The following INTS9 variants were observed in gnomAD, a reference collection of about 807,000 sequenced individuals.
The protein encoded by INTS9 is integrator complex subunit 9.
Under a neutral mutation model 79.7 loss-of-function variants are expected in INTS9, and 55 were observed. The observed-to-expected ratio is 0.69, with a 90% CI of 0.56 to 0.86. The LOEUF (loss-of-function observed/expected upper bound fraction) is 0.86. Ranked by LOEUF, INTS9 falls within the 40% of genes least tolerant of loss-of-function variation. The pLI, the probability that INTS9 is intolerant of heterozygous loss-of-function variation, is 0.00. For missense variants in INTS9, 721 were observed against 831.5 expected, an observed-to-expected ratio of 0.87 and a Z score of 1.64; for synonymous variants, 319 against 325.2, an observed-to-expected ratio of 0.98 and a Z score of 0.20.
intron 16 of INTS9, 156 bp from the exon 17 acceptor site, chr8:28,768,478 T>G (rs2130828596): frequency 1.5e-6 from 1 of 686,030 alleles, no homozygotes; most frequent in East Asian, 2.6e-5. Flanking sequence ...TGATAGTTTC[T>G]TATACTTGAA....
chr8:28,888,671 AG>A (rs1257591987), intron 1 of INTS9, among the ~76,000 whole-genome samples: 1 of 152,222 alleles, frequency 6.6e-6, no homozygotes, highest in Non-Finnish European at 1.5e-5. Flanking sequence ...ACACTGACCC[AG>A]GGGTAAGTTG....
At chr8:28,801,761 T>C (rs1174919052) in intron 8 of INTS9, among the ~76,000 whole-genome samples, 1 of 152,136 alleles carries the variant, frequency 6.6e-6, no homozygotes, top group Non-Finnish European at 1.5e-5. Flanking sequence ...CACAGGTGTG[T>C]GCCACCATGG....
At chr8:28,839,299 A>G (rs1460615315) in intron 4 of INTS9, among the ~76,000 whole-genome samples, 1 of 152,140 alleles carries the variant, frequency 6.6e-6, no homozygotes, top group African/African-American at 2.4e-5. Flanking sequence ...GAGGATACAA[A>G]CAAATGGAAG....
intron 5 of INTS9, among the ~76,000 whole-genome samples, chr8:28,835,634 G>C (rs1236032792): frequency 3.9e-5 from 6 of 152,130 alleles, no homozygotes; most frequent in African/African-American, 1.4e-4. Flanking sequence ...AGGCTGGCCT[G>C]TTTCTTGTCT....
At chr8:28,820,250 A>G (rs1214256539) in intron 6 of INTS9, among the ~76,000 whole-genome samples, 1 of 152,180 alleles carries the variant, frequency 6.6e-6, no homozygotes, top group Non-Finnish European at 1.5e-5. Flanking sequence ...CCTAGCCTTG[A>G]TGGTCTTTAC....
chr8:28,850,253 G>T lies in INTS9; in HGVS notation c.158C>A (p.Pro53His). ...ATTTCCATCCTTCAGGGACCAGCCA[G>T]GAAGATTGGACAGCCTGGGACTGCA... ...LVQSPRLSNL[P>H]GWSLKDGNAF... The change falls in exon 3 of 17, where the codon CCT becomes CAT. Residue 53 changes from proline to histidine, a missense_variant. Transcript: ENST00000521022. 1 of 1,613,812 alleles carries T rather than the reference G, an allele frequency of 6.2e-7. No individual in the cohort carries two copies. The highest frequency in any genetic ancestry group is 2.2e-5 in the East Asian group (1 of 44,866).
intron 6 of INTS9, among the ~76,000 whole-genome samples, chr8:28,814,595 C>A (rs1158520619): frequency 6.6e-6 from 1 of 152,156 alleles, no homozygotes; most frequent in Non-Finnish European, 1.5e-5. Flanking sequence ...TCTCCTCATT[C>A]CTTCCATATA....
chr8:28,837,392 G>A (rs531913482), intron 5 of INTS9, among the ~76,000 whole-genome samples: 229 of 152,170 alleles, frequency 1.5e-3, no homozygotes, highest in African/African-American at 4.9e-3. Flanking sequence ...CAGAGGAGCC[G>A]TCTCCATGAA....
At position 28,837,744 on chromosome 8, in the gene INTS9, C is replaced by T; in HGVS notation, c.294G>A (p.Val98=). The T allele has an allele frequency of 6.2e-7, 1 of 1,613,940 alleles. No individual in the cohort carries two copies. Among genetic ancestry groups the T allele is most frequent in the Non-Finnish European group, 8.5e-7 (1 of 1,179,910 alleles). ...TACAGTGATAGTTAGAGATGAGAATCACATCTACTGTAGACAGATCTATTA... is the reference window on the plus strand; with the variant it reads ...TACAGTGATAGTTAGAGATGAGAATTACATCTACTGTAGACAGATCTATTA... ...TELIDLSTVD[V]ILISNYHCMM... The change falls in exon 5 of 17, where the codon GTG becomes GTA. Residue 98 remains valine, a synonymous_variant. Transcript: ENST00000521022.
Position 28,812,565 on chromosome 8 carries a change from A to G in INTS9, c.610-104T>C, listed in dbSNP as rs2131048211. Reference sequence around the variant, plus strand: ...CAGAAATATCCTCAGTTTAAAAACAAAAATTATTTTAAAGTAAACCAGAGA... The same window carrying G: ...CAGAAATATCCTCAGTTTAAAAACAGAAATTATTTTAAAGTAAACCAGAGA... On this transcript the variant is annotated intron_variant, in intron 7 of 16. Transcript: ENST00000521022. The G allele has an allele frequency of 4.6e-6, 6 of 1,291,688 alleles. No homozygotes were observed. In the South Asian group the frequency reaches 9.0e-5, roughly 19 times the overall value. 80.0% of individuals were successfully genotyped at this position (1,291,688 alleles called of 1,614,324 possible).
intron 7 of INTS9, among the ~76,000 whole-genome samples, chr8:28,812,668 C>CA (rs1425858853): frequency 6.6e-6 from 1 of 152,214 alleles, no homozygotes; most frequent in Non-Finnish European, 1.5e-5. Flanking sequence ...GCCTGGGCAA[C>CA]ATGGTGAAAC....
chr8:28,790,285 T>TAAG (rs1803849636), intron 10 of INTS9, among the ~76,000 whole-genome samples: 1 of 152,190 alleles, frequency 6.6e-6, no homozygotes, highest in Non-Finnish European at 1.5e-5. Context: ...TGGGACTTGC[T>TAAG]AAGTTAATGC....
rs1585398499 is a variant in INTS9 at position 28,813,586 on chromosome 8, G to A, written c.515C>T (p.Ala172Val). The A allele has an allele frequency of 2.5e-6, 4 of 1,613,522 alleles. No homozygotes were observed. The South Asian group carries it at 4.4e-5, about 18-fold the overall frequency. ...QRLLPSPLKD[A>V]VEVSTWRRCY... ...TCTTCTCCAGGTTGAGACTTCCACT[G>A]CATCCTTGAGAGGAGAAGGTAACAG... The change falls in exon 7 of 17, where the codon GCA becomes GTA. Residue 172 changes from alanine to valine, a missense_variant. By Grantham distance (64) the Ala-to-Val change is moderately conservative (BLOSUM62 0). Transcript: ENST00000521022.
rs569171995 is a variant in INTS9 at position 28,859,211 on chromosome 8, C to CATTT, written c.137+221_137+224dup. Among the ~76,000 whole-genome samples the CATTT allele has an allele frequency of 2.6e-3, 392 of 152,270 alleles. 6 individuals carry two copies. Among genetic ancestry groups the CATTT allele is most frequent in the East Asian group, 5.8e-3 (30 of 5,184 alleles). ...CAGTTGTACTGAGCAGTTGCAGGAA[C>CATTT]ATTTTACAGAAGCTCAGAAGAAGTT... On this transcript the variant is annotated intron_variant, in intron 2 of 16. Transcript: ENST00000521022.
At chr8:28,775,438 C>T (rs917833913) in intron 14 of INTS9, among the ~76,000 whole-genome samples, 1 of 152,092 alleles carries the variant, frequency 6.6e-6, no homozygotes, top group Non-Finnish European at 1.5e-5. Flanking sequence ...CTGGTTCAAG[C>T]GATTCTCAGG....
chr8:28,786,969 G>T (rs1002212121), intron 11 of INTS9, among the ~76,000 whole-genome samples: 1 of 151,766 alleles, frequency 6.6e-6, no homozygotes, highest in Admixed American at 6.6e-5. Context: ...CACCCGCCTT[G>T]GCCTCCCAAA....
chr8:28,862,159 C>T (rs975409576), intron 1 of INTS9: 7 of 985,288 alleles, frequency 7.1e-6, no homozygotes, highest in Non-Finnish European at 8.4e-6. Context: ...TTGTGCAATT[C>T]CAGTTTTCTT....
At chr8:28,877,320 A>C (rs1451067978) in intron 1 of INTS9, among the ~76,000 whole-genome samples, 1 of 152,188 alleles carries the variant, frequency 6.6e-6, no homozygotes, top group Non-Finnish European at 1.5e-5. Context: ...ATATATAAAA[A>C]TATGCTCCAC....
At chr8:28,771,104 G>A (rs759310901) in intron 14 of INTS9, 24 bp from the exon 15 acceptor site, 1 of 1,521,062 alleles carries the variant, frequency 6.6e-7, no homozygotes, top group South Asian at 1.2e-5. Flanking sequence ...GCGCAGTTCA[G>A]GCTGGGGGCC....
Sources: allele counts gnomAD v4.1 joint callset (sites outside exome capture counted in the v4.1 genomes callset), GRCh38; gene constraint gnomAD v4.1.1; transcripts MANE v1.5; gene names NCBI Gene and HGNC (gene_info 2026-07-23, HGNC 2026-07-21).